The following LHFPL3 variants were observed in gnomAD, a reference collection of about 807,000 sequenced individuals.
LHFPL3 encodes LHFPL tetraspan subfamily member 3.
A neutral mutation model predicts 19.3 loss-of-function variants in LHFPL3; 5 were observed. The observed-to-expected ratio is 0.26, with a 90% CI of 0.14 to 0.54. The LOEUF (loss-of-function observed/expected upper bound fraction) is 0.54. Ranked by LOEUF, LHFPL3 falls within the 20% of genes least tolerant of loss-of-function variation. The pLI is 0.94. For synonymous variants in LHFPL3, 133 were observed against 126.2 expected, an observed-to-expected ratio of 1.05 and a Z score of -0.36; for missense variants, 249 against 307.4, an observed-to-expected ratio of 0.81 and a Z score of 1.42.
At chr7:104,628,655 G>T (rs1584449097) in intron 1 of LHFPL3, among the ~76,000 whole-genome samples, 2 of 152,162 alleles carry the variant, frequency 1.3e-5, no homozygotes, top group East Asian at 3.8e-4. Context: ...AGAATGGCTG[G>T]ATTATTTGCA....
At chr7:104,783,500 A>C (rs1328983167) in intron 2 of LHFPL3, among the ~76,000 whole-genome samples, 1 of 152,252 alleles carries the variant, frequency 6.6e-6, no homozygotes, top group Non-Finnish European at 1.5e-5. Flanking sequence ...TGTACATCAC[A>C]ATCTTCTAGA....
At chr7:104,883,306 A>G (rs1178439384) in intron 2 of LHFPL3, among the ~76,000 whole-genome samples, 1 of 152,126 alleles carries the variant, frequency 6.6e-6, no homozygotes, top group Non-Finnish European at 1.5e-5. Flanking sequence ...ATATTGGAGG[A>G]CTCTTAAAAA....
intron 2 of LHFPL3, among the ~76,000 whole-genome samples, chr7:104,864,268 AGGACAGTGGG>A: frequency 6.6e-6 from 1 of 152,158 alleles, no homozygotes; most frequent in Admixed American, 6.5e-5. Context: ...AAGTGGGTGC[AGGACAGTGGG>A]TGCAGTGCAC....
intron 1 of LHFPL3, among the ~76,000 whole-genome samples, chr7:104,523,847 A>G (rs1989781): frequency 0.55 from 83,954 of 151,902 alleles, 23,363 homozygotes; most frequent in Middle Eastern, 0.64. Context: ...CAACCTGGCA[A>G]TGCTCCTCAG....
At chr7:104,342,055 C>G (rs1483349789) in intron 1 of LHFPL3, among the ~76,000 whole-genome samples, 2 of 152,208 alleles carry the variant, frequency 1.3e-5, no homozygotes, top group African/African-American at 4.8e-5. Flanking sequence ...TTTGGAGAAG[C>G]TGCTGTGACT....
rs1264710485 is a variant in LHFPL3, at chr7:104,829,607, T to G, written c.683-76580T>G. On this transcript the variant is annotated intron_variant, in intron 2 of 2. Transcript: ENST00000424859. Reference sequence around the variant, plus strand: ...TTGGTTTTTTGTCCTTGCAATAGTTTGCTGAGAATGATGGTTTCCAGTTTC... The same window carrying G: ...TTGGTTTTTTGTCCTTGCAATAGTTGGCTGAGAATGATGGTTTCCAGTTTC... Among the ~76,000 whole-genome samples the G allele has an allele frequency of 5.3e-5, 8 of 151,860 alleles. No individual in the cohort carries two copies. In the South Asian group the frequency reaches 6.2e-4, roughly 12 times the overall value.
At chr7:104,864,225 G>A (rs532978663) in intron 2 of LHFPL3, among the ~76,000 whole-genome samples, 2 of 152,330 alleles carry the variant, frequency 1.3e-5, no homozygotes, top group East Asian at 3.9e-4. Context: ...TTCCAACTGA[G>A]GTACTGGGTT....
chr7:104,716,483 T>C (rs374945832), intron 1 of LHFPL3, among the ~76,000 whole-genome samples: 70 of 152,154 alleles, frequency 4.6e-4, no homozygotes, highest in African/African-American at 1.7e-3. Flanking sequence ...AAAGCTGCAG[T>C]ATACAAAATC....
chr7:104,780,465 T>C (rs865779151), intron 2 of LHFPL3, among the ~76,000 whole-genome samples: 20 of 152,306 alleles, frequency 1.3e-4, no homozygotes, highest in African/African-American at 4.8e-4. Context: ...CCCACAGCTT[T>C]GTAAGGCACC....
Position 104,328,607 on chromosome 7 carries a change from C to T in LHFPL3, c.-173C>T. 1.6e-6 allele frequency: 1 copy of T among 638,888 alleles called. No individual in the cohort carries two copies. 39.6% of individuals were successfully genotyped at this position (638,888 alleles called of 1,614,324 possible). A position where few individuals can be genotyped will look rare whatever the true frequency, so the allele number is the denominator to read the frequency against. ...CGAGCCGGAGGGGTGCTCCGCGCTC[C>T]CCCGCCCTCCTTCCGGGAGCGAGGA... On this transcript the variant is annotated 5_prime_UTR_variant, in exon 1 of 3. Transcript: ENST00000424859. The surrounding 1 kb of genome is among the most constrained non-coding windows in gnomAD (Gnocchi z 4.6).
At chr7:104,587,096 T>G (rs919335248) in intron 1 of LHFPL3, among the ~76,000 whole-genome samples, 3 of 152,140 alleles carry the variant, frequency 2.0e-5, no homozygotes, top group African/African-American at 7.2e-5. Flanking sequence ...TTTAGCCTGT[T>G]TTTTTATATT....
chr7:104,566,580 T>G lies in LHFPL3; in HGVS notation c.446-170095T>G, dbSNP rs180778200. On this transcript the variant is annotated intron_variant, in intron 1 of 2. Coordinates refer to ENST00000424859, the MANE Select transcript of LHFPL3 (RefSeq NM_199000.3). ...ATGGCTCATGTTATTAAAACAGAGA[T>G]GTTAGAAGCCCGTACCATGAGTCTG... 2.2e-3 allele frequency among the ~76,000 whole-genome samples: 333 copies of G among 152,266 alleles called. 4 individuals carry two copies. The highest frequency in any genetic ancestry group is 3.6e-3 in the Non-Finnish European group (248 of 68,014).
chr7:104,356,142 T>C (rs1278525086), intron 1 of LHFPL3, among the ~76,000 whole-genome samples: 2 of 152,162 alleles, frequency 1.3e-5, no homozygotes, highest in Non-Finnish European at 2.9e-5. Context: ...GCATGAAAAA[T>C]ACAGTTGTTT....
In LHFPL3 at chr7:104,716,182, A is replaced by C. The variant is rs145198157; in HGVS notation, c.446-20493A>C. On this transcript the variant is annotated intron_variant, in intron 1 of 2. Transcript: ENST00000424859. ...ACTAACATGGTGAAACCCTGTCTCT[A>C]CTAAAAATACAAAAATTAGCCAGGT... Among the ~76,000 whole-genome samples, 701 of 152,282 alleles carry C rather than the reference A, an allele frequency of 4.6e-3. 31 individuals carry two copies. The East Asian group carries it at 0.1, about 22-fold the overall frequency.
intron 2 of LHFPL3, chr7:104,845,338 T>C: frequency 8.9e-7 from 1 of 1,123,164 alleles, no homozygotes; most frequent in Non-Finnish European, 1.3e-6. Flanking sequence ...TGTGAGCTCT[T>C]ATTTTACCTT....
chr7:104,368,447 T>C (rs1215958982), intron 1 of LHFPL3, among the ~76,000 whole-genome samples: 2 of 152,216 alleles, frequency 1.3e-5, no homozygotes, highest in African/African-American at 4.8e-5. Context: ...GGCAACATGC[T>C]TGCAGACATC....
chr7:104,865,277 G>A (rs376998938), intron 2 of LHFPL3, among the ~76,000 whole-genome samples: 54 of 151,998 alleles, frequency 3.6e-4, no homozygotes, highest in African/African-American at 8.5e-4. Context: ...AAACTACTCC[G>A]AGCTAAAGGA....
chr7:104,858,323 A>AC (rs1791548985), intron 2 of LHFPL3, among the ~76,000 whole-genome samples: 1 of 152,008 alleles, frequency 6.6e-6, no homozygotes, highest in African/African-American at 2.4e-5. Context: ...CATTGTCATC[A>AC]CCCCAGGTTG....
intron 1 of LHFPL3, among the ~76,000 whole-genome samples, chr7:104,561,314 T>G (rs939684010): frequency 6.7e-6 from 1 of 149,560 alleles, no homozygotes; most frequent in Admixed American, 6.6e-5. Flanking sequence ...TGTGTGGGAG[T>G]CTAAGTCTCT....
Sources: allele counts gnomAD v4.1 joint callset (sites outside exome capture counted in the v4.1 genomes callset), GRCh38; gene constraint gnomAD v4.1.1; non-coding constraint Gnocchi (gnomAD v3.1); transcripts MANE v1.5; gene names NCBI Gene and HGNC (gene_info 2026-07-23, HGNC 2026-07-21).